STAU2: variants seen among roughly 807,000 people sequenced by gnomAD.
STAU2 encodes double-stranded RNA-binding protein Staufen homolog 2.
A neutral mutation model predicts 65.9 loss-of-function variants in STAU2; 20 were observed. That is an observed-to-expected ratio of 0.30 (90% CI 0.21 to 0.44). The LOEUF (loss-of-function observed/expected upper bound fraction) is 0.44, where lower values mean the gene tolerates loss of function less well. Among genes scored for constraint, STAU2 ranks in the 20% least tolerant of loss-of-function variants. The probability of loss-of-function intolerance (pLI) is 1.00; values close to 1 mark genes in which losing one functional copy is unlikely to be tolerated. For synonymous variants in STAU2, 232 were observed against 233.9 expected (o/e 0.99, Z 0.07); for missense variants, 558 against 683.9 (o/e 0.82, Z 2.05).
At chr8:73,644,507 T>A (rs1403284655) in intron 6 of STAU2, among the ~76,000 whole-genome samples, 1 of 148,822 alleles carries the variant, frequency 6.7e-6, no homozygotes, top group Admixed American at 6.7e-5. Flanking sequence ...AGACGAAACG[T>A]TTCAAATAAA....
intron 12 of STAU2, among the ~76,000 whole-genome samples, chr8:73,562,720 ACACATTAG>A (rs1808317611): frequency 6.6e-6 from 1 of 152,204 alleles, no homozygotes; most frequent in African/African-American, 2.4e-5. Flanking sequence ...ACAATTTACT[ACACATTAG>A]TCTATTATTC....
At chr8:73,722,912 TAA>T (rs1821785303) in intron 3 of STAU2, among the ~76,000 whole-genome samples, 1 of 152,100 alleles carries the variant, frequency 6.6e-6, no homozygotes, top group Non-Finnish European at 1.5e-5. Context: ...CTTCTAATAT[TAA>T]ACAATGAAAT....
At chr8:73,644,458 A>T (rs1815220275) in intron 6 of STAU2, among the ~76,000 whole-genome samples, 1 of 152,024 alleles carries the variant, frequency 6.6e-6, no homozygotes, top group South Asian at 2.1e-4. Context: ...AAAAAAAAAA[A>T]ATGTTATGAA....
intron 12 of STAU2, among the ~76,000 whole-genome samples, chr8:73,570,574 C>T (rs1808994326): frequency 6.6e-6 from 1 of 152,208 alleles, no homozygotes; most frequent in Admixed American, 6.5e-5. Flanking sequence ...GGCAGGCCAA[C>T]ATTCAAATTC....
At chr8:73,674,238 CA>C (rs1001147931) in intron 5 of STAU2, among the ~76,000 whole-genome samples, 1 of 150,136 alleles carries the variant, frequency 6.7e-6, no homozygotes, top group African/African-American at 2.4e-5. Flanking sequence ...TTACAGAAAT[CA>C]AAATTTCATC....
intron 5 of STAU2, among the ~76,000 whole-genome samples, chr8:73,673,782 A>G (rs902036470): frequency 6.6e-6 from 1 of 152,132 alleles, no homozygotes; most frequent in African/African-American, 2.4e-5. Flanking sequence ...GTCATCGAAT[A>G]TATTCCTAGC....
chr8:73,684,131 A>G (rs980523462), intron 5 of STAU2, among the ~76,000 whole-genome samples: 2 of 152,194 alleles, frequency 1.3e-5, no homozygotes, highest in Non-Finnish European at 2.9e-5. Flanking sequence ...ATGGAACCAA[A>G]AAAGAGCCCA....
At chr8:73,631,322 G>A (rs984448592) in intron 6 of STAU2, among the ~76,000 whole-genome samples, 1 of 151,566 alleles carries the variant, frequency 6.6e-6, no homozygotes, top group Non-Finnish European at 1.5e-5. Context: ...ATGTACCCTT[G>A]CGGTTTGAGT....
At position 73,725,572 on chromosome 8, in the gene STAU2, G is replaced by A. The variant is rs556920811; in HGVS notation, c.-18+12712C>T. ...AACACTTTGGGAGGCCAAGGTGGGC[G>A]GATCACTGGAGGTCAGGAGTTCAAG... is the stretch of plus-strand genomic sequence containing the variant. On this transcript the variant is annotated intron_variant, in intron 3 of 14. Coordinates refer to ENST00000524300, the MANE Select transcript of STAU2 (RefSeq NM_001164380.2). Among the ~76,000 whole-genome samples, 7 of 152,294 alleles carry A rather than the reference G, an allele frequency of 4.6e-5. No individual in the cohort carries two copies. In the South Asian group the frequency reaches 6.2e-4, roughly 14 times the overall value.
intron 10 of STAU2, among the ~76,000 whole-genome samples, chr8:73,602,680 G>A (rs1280963600): frequency 6.7e-6 from 1 of 149,050 alleles, no homozygotes; most frequent in Non-Finnish European, 1.5e-5. Context: ...CCATGATCAT[G>A]CCACCGTACT....
At chr8:73,500,461 G>A (rs553339396) in intron 13 of STAU2, among the ~76,000 whole-genome samples, 2 of 151,808 alleles carry the variant, frequency 1.3e-5, no homozygotes, top group East Asian at 3.9e-4. Flanking sequence ...GCTCACTGTA[G>A]TTAAATTATC....
At chr8:73,434,682 T>G (rs1817563901) in intron 13 of STAU2, among the ~76,000 whole-genome samples, 1 of 151,968 alleles carries the variant, frequency 6.6e-6, no homozygotes, top group African/African-American at 2.4e-5. Flanking sequence ...AAATGAGGGC[T>G]TTCATTACAC....
chr8:73,588,009 G>C (rs904088042), intron 11 of STAU2, among the ~76,000 whole-genome samples: 5 of 152,016 alleles, frequency 3.3e-5, no homozygotes, highest in Non-Finnish European at 7.4e-5. Flanking sequence ...CAAACTCCAA[G>C]ATATTAAGAA....
At chr8:73,510,285 G>C (rs1032989735) in intron 13 of STAU2, among the ~76,000 whole-genome samples, 7 of 151,988 alleles carry the variant, frequency 4.6e-5, no homozygotes, top group Non-Finnish European at 8.8e-5. Flanking sequence ...GGTCAGGCTG[G>C]TCTCGAACTC....
At chr8:73,742,018 T>C (rs1441888170) in intron 1 of STAU2, among the ~76,000 whole-genome samples, 2 of 152,228 alleles carry the variant, frequency 1.3e-5, no homozygotes, top group Non-Finnish European at 2.9e-5. Flanking sequence ...TTATACTTTT[T>C]TAAGCAAACC....
intron 13 of STAU2, among the ~76,000 whole-genome samples, chr8:73,447,648 C>A (rs1818546202): frequency 6.6e-6 from 1 of 152,170 alleles, no homozygotes; most frequent in Non-Finnish European, 1.5e-5. Context: ...AACAGGAGGG[C>A]AGCTGCATCC....
chr8:73,427,645 T>C (rs1419907288), intron 13 of STAU2, among the ~76,000 whole-genome samples: 1 of 152,192 alleles, frequency 6.6e-6, no homozygotes, highest in African/African-American at 2.4e-5. Context: ...ACAGCCTGTG[T>C]CCATCAACCG....
chr8:73,746,869 C>A (rs1284660895), upstream of STAU2: 2 of 1,198,884 alleles, frequency 1.7e-6, no homozygotes, highest in Non-Finnish European at 2.1e-6. Context: ...CCGGCTTCCA[C>A]CCCTCGGGCT....
intron 12 of STAU2, among the ~76,000 whole-genome samples, chr8:73,570,733 C>A (rs1228765005): frequency 6.6e-6 from 1 of 152,184 alleles, no homozygotes; most frequent in Admixed American, 6.5e-5. Flanking sequence ...GGAAGCCCAT[C>A]AGACTAACAG....
Sources: allele counts gnomAD v4.1 joint callset (sites outside exome capture counted in the v4.1 genomes callset), GRCh38; gene constraint gnomAD v4.1.1; transcripts MANE v1.5; gene names NCBI Gene and HGNC (gene_info 2026-07-23, HGNC 2026-07-21).